Variants in IPO11 observed in about 807,000 individuals in gnomAD.
IPO11 encodes importin 11, also known as importin-11.
In IPO11, 66 loss-of-function variants were observed where a neutral mutation model predicts 143.2. The observed-to-expected ratio is 0.46, with a 90% CI of 0.38 to 0.57. IPO11 has a LOEUF of 0.57. Among genes scored for constraint, IPO11 ranks in the 20% least tolerant of loss-of-function variants. The probability of loss-of-function intolerance (pLI) is 0.00; values close to 1 mark genes in which losing one functional copy is unlikely to be tolerated. For missense variants in IPO11, 1,026 were observed against 1,141.0 expected (o/e 0.90, Z 1.45); for synonymous variants, 385 against 377.8 (o/e 1.02, Z -0.22).
chr5:62,513,258 G>T (rs1452141601), intron 19 of IPO11, among the ~76,000 whole-genome samples: 20 of 151,352 alleles, frequency 1.3e-4, no homozygotes, highest in African/African-American at 2.2e-4. Context: ...TGGCCGGGCG[G>T]GGGGCTGACC....
intron 2 of IPO11, among the ~76,000 whole-genome samples, chr5:62,440,421 C>G (rs1744427502): frequency 7.1e-6 from 1 of 141,084 alleles, no homozygotes; most frequent in Admixed American, 7.7e-5. Context: ...GTGGTGTGAT[C>G]TCAGCTCACT....
At chr5:62,595,147 G>A (rs1011898430) in intron 28 of IPO11, among the ~76,000 whole-genome samples, 4 of 152,142 alleles carry the variant, frequency 2.6e-5, no homozygotes, top group African/African-American at 9.7e-5. Flanking sequence ...GAATCTTTGG[G>A]GGTCACACAG....
intron 14 of IPO11, 93 bp downstream of exon 14, chr5:62,489,442 A>C: frequency 1.3e-6 from 1 of 767,436 alleles, no homozygotes; most frequent in Non-Finnish European, 2.1e-6. Flanking sequence ...GTGTTGAGAT[A>C]CAAGAGTAAC....
At position 62,614,483 on chromosome 5, in the gene IPO11, G is replaced by A. The variant is rs984707751; in HGVS notation, c.2763+12635G>A. 3.9e-5 allele frequency among the ~76,000 whole-genome samples: 6 copies of A among 152,224 alleles called. No homozygotes were observed. In the East Asian group the frequency reaches 7.7e-4, roughly 20 times the overall value. On this transcript the variant is annotated intron_variant, in intron 29 of 29. Coordinates refer to ENST00000325324, the MANE Select transcript of IPO11 (RefSeq NM_016338.5). Reference sequence around the variant, plus strand: ...GGGTGGGAGCCAAGGCTGTTGCTAAGTTCTGCAGTACGTAGAACTGAAATG... The same window carrying A: ...GGGTGGGAGCCAAGGCTGTTGCTAAATTCTGCAGTACGTAGAACTGAAATG...
At chr5:62,443,369 G>T in intron 3 of IPO11, 1 of 254,780 alleles carries the variant, frequency 3.9e-6, no homozygotes. Flanking sequence ...TTTTCTTCAT[G>T]GTTTTCCATT....
intron 3 of IPO11, among the ~76,000 whole-genome samples, chr5:62,444,871 A>AAG (rs762976726): frequency 6.6e-6 from 1 of 150,978 alleles, no homozygotes; most frequent in Admixed American, 6.6e-5. Flanking sequence ...TATGTCTCAA[A>AAG]AGAGAGAGAG....
intron 2 of IPO11, among the ~76,000 whole-genome samples, chr5:62,440,980 A>G (rs1174257251): frequency 6.6e-6 from 1 of 151,994 alleles, no homozygotes; most frequent in Non-Finnish European, 1.5e-5. Context: ...AAAAACTTAC[A>G]AATGTTTTTC....
At chr5:62,439,553 C>T (rs1453637958) in intron 2 of IPO11, among the ~76,000 whole-genome samples, 2 of 150,858 alleles carry the variant, frequency 1.3e-5, no homozygotes, top group African/African-American at 4.9e-5. Context: ...TCCCAAAGTG[C>T]TGGGATTACA....
intron 29 of IPO11, among the ~76,000 whole-genome samples, chr5:62,624,797 A>G (rs1220378523): frequency 6.6e-6 from 1 of 152,090 alleles, no homozygotes; most frequent in Non-Finnish European, 1.5e-5. Flanking sequence ...ATCCTGGCTA[A>G]CAGGGTGAAA....
At chr5:62,565,020 A>G (rs971059630) in intron 27 of IPO11, among the ~76,000 whole-genome samples, 1 of 152,204 alleles carries the variant, frequency 6.6e-6, no homozygotes, top group African/African-American at 2.4e-5. Flanking sequence ...TTACATATGT[A>G]AGGTCAAACT....
At chr5:62,623,790 A>G (rs1274037022) in intron 29 of IPO11, among the ~76,000 whole-genome samples, 23 of 147,906 alleles carry the variant, frequency 1.6e-4, no homozygotes, top group African/African-American at 4.0e-4. Context: ...AATTTTTTGT[A>G]TTTTTCTAGT....
At position 62,526,090 on chromosome 5, in the gene IPO11, G is replaced by A. The variant is rs1231870301; in HGVS notation, c.1897-52G>A. The A allele has an allele frequency of 8.7e-6, 10 of 1,153,644 alleles. No homozygotes were observed. Among genetic ancestry groups the A allele is most frequent in the East Asian group, 2.4e-5 (1 of 41,668 alleles). The allele number at this position is 1,153,644 out of a possible 1,614,324, so 71.5% of individuals were successfully genotyped here. On this transcript the variant is annotated intron_variant, in intron 20 of 29. Transcript: ENST00000325324. ...TGTATGATAGGTAATTTTTTGGTGC[G>A]GGATGGGACATTAGAGTGTCTTATT...
chr5:62,446,447 C>T (rs147385948), intron 3 of IPO11, among the ~76,000 whole-genome samples: 1 of 152,334 alleles, frequency 6.6e-6, no homozygotes, highest in African/African-American at 2.4e-5. Context: ...GCATTCTTAT[C>T]AGCACTTGGT....
chr5:62,584,781 G>C (rs972216845), intron 27 of IPO11, among the ~76,000 whole-genome samples: 1 of 150,034 alleles, frequency 6.7e-6, no homozygotes, highest in African/African-American at 2.5e-5. Context: ...ACTACCACTG[G>C]TCATCACTTT....
Position 62,499,997 on chromosome 5 carries a change from C to A in IPO11, c.1591-4670C>A, listed in dbSNP as rs923065775. On this transcript the variant is annotated intron_variant, in intron 16 of 29. Coordinates refer to ENST00000325324, the MANE Select transcript of IPO11 (RefSeq NM_016338.5). ...TCATCTCCTATGATAACAATGCCTT[C>A]TTCTGAGCTGGGTGTGGTAGCTCAC... Among the ~76,000 whole-genome samples, 72 of 152,266 alleles carry A rather than the reference C, an allele frequency of 4.7e-4. 1 individual carries two copies. Among genetic ancestry groups the A allele is most frequent in the Admixed American group, 3.5e-3 (53 of 15,280 alleles).
chr5:62,610,894 G>A lies in IPO11; in HGVS notation c.2763+9046G>A, dbSNP rs181137332. ...TATTTTGATCAACAGTACATACATAGTATTTTTAAAGTGTTAGATATCATT... is the reference window on the plus strand; with the variant it reads ...TATTTTGATCAACAGTACATACATAATATTTTTAAAGTGTTAGATATCATT... On this transcript the variant is annotated intron_variant, in intron 29 of 29. Coordinates refer to ENST00000325324, the MANE Select transcript of IPO11 (RefSeq NM_016338.5). Among the ~76,000 whole-genome samples the A allele has an allele frequency of 9.2e-5, 14 of 152,148 alleles. No homozygotes were observed. The East Asian group carries it at 2.3e-3, about 25-fold the overall frequency.
At chr5:62,610,453 GTGTC>G in intron 29 of IPO11, among the ~76,000 whole-genome samples, 1 of 152,224 alleles carries the variant, frequency 6.6e-6, no homozygotes. Context: ...TTTTATCCAT[GTGTC>G]TGTCTTTTGG....
chr5:62,559,105 C>G (rs758199436), intron 26 of IPO11, among the ~76,000 whole-genome samples: 1 of 152,082 alleles, frequency 6.6e-6, no homozygotes, highest in Non-Finnish European at 1.5e-5. Flanking sequence ...GATGGTCTTG[C>G]CTTGATAGTG....
chr5:62,566,886 T>G (rs990213653), intron 27 of IPO11, among the ~76,000 whole-genome samples: 1 of 152,046 alleles, frequency 6.6e-6, no homozygotes, highest in Non-Finnish European at 1.5e-5. Context: ...GTGGCAGAGT[T>G]TAGCTTCTAT....
Sources: gnomAD v4.1 joint callset for allele counts (sites outside exome capture counted in the v4.1 genomes callset) on GRCh38, gnomAD v4.1.1 for gene constraint, MANE v1.5 for transcripts, NCBI Gene and HGNC (gene_info 2026-07-23, HGNC 2026-07-21) for gene names.